The following MYO18B variants were observed in gnomAD, a reference collection of about 807,000 sequenced individuals.
MYO18B encodes unconventional myosin-XVIIIb.
A neutral mutation model predicts 273.0 loss-of-function variants in MYO18B; 204 were observed. The observed-to-expected ratio is 0.75, with a 90% confidence interval of 0.67 to 0.84. The LOEUF (loss-of-function observed/expected upper bound fraction) is 0.84. MYO18B is among the 40% of genes least tolerant of loss of function. The pLI, the probability that MYO18B is intolerant of heterozygous loss-of-function variation, is 0.00. For missense variants in MYO18B, 3,212 were observed against 3,287.6 expected (o/e 0.98, Z 0.56); for synonymous variants, 1,330 against 1,305.7 (o/e 1.02, Z -0.40).
chr22:25,887,853 C>A (rs145974169), intron 25 of MYO18B, among the ~76,000 whole-genome samples: 1 of 152,296 alleles, frequency 6.6e-6, no homozygotes, highest in East Asian at 1.9e-4. Flanking sequence ...ATTAATGCAT[C>A]AAATTAATTG....
At chr22:26,063,823 C>A in the MYO18B span, among the ~76,000 whole-genome samples, 6 of 152,182 alleles carry the variant, frequency 3.9e-5, no homozygotes, top group African/African-American at 7.2e-5. Flanking sequence ...AGTGTGATAG[C>A]AATTAAAGCT....
chr22:25,992,599 A>G, intron 40 of MYO18B, 106 bp downstream of exon 40: 1 of 1,480,240 alleles, frequency 6.8e-7, no homozygotes, highest in Non-Finnish European at 9.2e-7. Flanking sequence ...GGGAAACCCA[A>G]AGATGTTCGG....
At chr22:25,983,037 G>A (rs1395755066) in intron 39 of MYO18B, among the ~76,000 whole-genome samples, 1 of 152,126 alleles carries the variant, frequency 6.6e-6, no homozygotes, top group East Asian at 1.9e-4. Flanking sequence ...TACAGAATAG[G>A]GATCTGTAAT....
intron 11 of MYO18B, among the ~76,000 whole-genome samples, chr22:25,792,855 C>A (rs1323270335): frequency 1.3e-5 from 2 of 152,196 alleles, no homozygotes; most frequent in Non-Finnish European, 2.9e-5. Context: ...AATCCTTGGG[C>A]AGGTTGGTTG....
intron 34 of MYO18B, among the ~76,000 whole-genome samples, chr22:25,943,666 C>T (rs544991217): frequency 2.6e-4 from 39 of 151,232 alleles, no homozygotes; most frequent in African/African-American, 7.3e-4. Flanking sequence ...CTGCCCAGTG[C>T]GCTCTGCACA....
intron 31 of MYO18B, among the ~76,000 whole-genome samples, chr22:25,906,156 T>A (rs371937826): frequency 4.6e-5 from 7 of 152,190 alleles, no homozygotes; most frequent in African/African-American, 1.7e-4. Context: ...CATTGTGCCC[T>A]TGTAGACATC....
chr22:25,908,227 A>C, intron 31 of MYO18B, 95 bp from the exon 32 acceptor site: 2 of 995,344 alleles, frequency 2.0e-6, no homozygotes, highest in Non-Finnish European at 3.1e-6. Flanking sequence ...TGTATTCCAA[A>C]AATGAGAAAT....
intron 7 of MYO18B, among the ~76,000 whole-genome samples, chr22:25,773,162 T>C (rs532414420): frequency 9.4e-4 from 143 of 152,312 alleles, no homozygotes; most frequent in African/African-American, 2.8e-3. Context: ...AGCCGAGTCA[T>C]TGAAGCGTGG....
At chr22:25,779,809 G>T (rs2087059781) in intron 8 of MYO18B, among the ~76,000 whole-genome samples, 1 of 152,130 alleles carries the variant, frequency 6.6e-6, no homozygotes, top group Admixed American at 6.5e-5. Flanking sequence ...ATTGAGTCTT[G>T]TTTCCCCTAC....
intron 1 of MYO18B, among the ~76,000 whole-genome samples, chr22:25,745,322 C>T (rs988753240): frequency 2.0e-5 from 3 of 152,088 alleles, no homozygotes; most frequent in Non-Finnish European, 4.4e-5. Context: ...GTTGCCCAGT[C>T]TGGTCTCAAA....
intron 27 of MYO18B, among the ~76,000 whole-genome samples, chr22:25,893,330 C>T (rs1440609826): frequency 6.6e-6 from 1 of 152,170 alleles, no homozygotes; most frequent in Non-Finnish European, 1.5e-5. Flanking sequence ...TTGGGCCCTG[C>T]TCTCAAGATA....
At chr22:25,914,841 C>A (rs781084370) in intron 33 of MYO18B, among the ~76,000 whole-genome samples, 1 of 151,288 alleles carries the variant, frequency 6.6e-6, no homozygotes, top group African/African-American at 2.4e-5. Flanking sequence ...GGACTACAGG[C>A]GCCTGCCACC....
At position 25,813,560 on chromosome 22, in the gene MYO18B, T is replaced by A. The variant is rs531658759; in HGVS notation, c.2522-9945T>A. ...TAGAGGCAGAGACCCTTGAACTGAA[T>A]CTTGAAAACAGAATAAATTAAGGAG... On this transcript the variant is annotated intron_variant, in intron 12 of 43. Transcript: ENST00000335473. Among the ~76,000 whole-genome samples, 4 of 152,232 alleles carry A rather than the reference T, an allele frequency of 2.6e-5. No homozygotes were observed. In the East Asian group the frequency reaches 7.7e-4, roughly 29 times the overall value.
chr22:26,020,071 A>C (rs13056131), intron 42 of MYO18B, among the ~76,000 whole-genome samples: 2 of 152,142 alleles, frequency 1.3e-5, no homozygotes, highest in African/African-American at 4.8e-5. Context: ...ACCAGGGTTC[A>C]AATGCAGGCC....
At chr22:26,063,059 A>C in the MYO18B span, among the ~76,000 whole-genome samples, 15,415 of 152,180 alleles carry the variant, frequency 0.1, 1,101 homozygotes, top group African/African-American at 0.18. Flanking sequence ...CCATGATTCT[A>C]CATGTGCCCT....
intron 39 of MYO18B, among the ~76,000 whole-genome samples, chr22:25,962,096 C>A (rs1291868019): frequency 1.3e-5 from 2 of 152,186 alleles, no homozygotes; most frequent in Admixed American, 1.3e-4. Context: ...TTATAAATTA[C>A]TCAGCCTCAG....
intron 14 of MYO18B, among the ~76,000 whole-genome samples, chr22:25,826,972 G>GTAGCTGT (rs1302064336): frequency 1.3e-5 from 2 of 152,190 alleles, no homozygotes; most frequent in South Asian, 4.1e-4. Flanking sequence ...GAGGCAGGGA[G>GTAGCTGT]AATTGCTTGA....
At chr22:26,043,606 G>A in the MYO18B span, among the ~76,000 whole-genome samples, 1 of 150,726 alleles carries the variant, frequency 6.6e-6, no homozygotes, top group Non-Finnish European at 1.5e-5. Context: ...TGCCTCCCGG[G>A]TTCTTGCAAT....
chr22:26,004,574 G>A lies in MYO18B; in HGVS notation c.6333-144G>A, dbSNP rs1934268949. The A allele has an allele frequency of 5.0e-6, 5 of 993,028 alleles. No individual in the cohort carries two copies. In the South Asian group the frequency reaches 6.0e-5, roughly 12 times the overall value. 61.5% of individuals were successfully genotyped at this position (993,028 alleles called of 1,614,324 possible). On this transcript the variant is annotated intron_variant, in intron 41 of 43. Coordinates refer to ENST00000335473, the MANE Select transcript of MYO18B (RefSeq NM_032608.7). ...CATCTGTGTAACTGTGACAGCACTG[G>A]CTCCTACCTCTCTGGGATGGCGAGT...
Sources: allele counts gnomAD v4.1 joint callset (sites outside exome capture counted in the v4.1 genomes callset), GRCh38; gene constraint gnomAD v4.1.1; transcripts MANE v1.5; gene names NCBI Gene and HGNC (gene_info 2026-07-23, HGNC 2026-07-21).